Variants in NRXN3 observed in about 807,000 individuals in gnomAD.
The protein encoded by NRXN3 is neurexin 3.
NRXN3 carries 32 observed loss-of-function variants against 137.6 expected under a neutral mutation model. The ratio of observed to expected loss-of-function variants is 0.23; its 90% CI spans 0.18 to 0.31. NRXN3 has a LOEUF of 0.31. Ranked by LOEUF, NRXN3 falls within the 10% of genes least tolerant of loss-of-function variation. The pLI, the probability that NRXN3 is intolerant of heterozygous loss-of-function variation, is 1.00. For synonymous variants in NRXN3, 798 were observed against 784.5 expected (o/e 1.02, Z -0.29); for missense variants, 1,574 against 2,062.5 (o/e 0.76, Z 4.59).
At chr14:79,214,918 C>T (rs567630167) in intron 15 of NRXN3, among the ~76,000 whole-genome samples, 43 of 152,290 alleles carry the variant, frequency 2.8e-4, no homozygotes, top group Non-Finnish European at 4.9e-4. Flanking sequence ...CCTTCCTCCT[C>T]TTTTTCCTCT....
intron 4 of NRXN3, among the ~76,000 whole-genome samples, chr14:78,522,373 A>G (rs982632826): frequency 1.1e-4 from 17 of 152,166 alleles, no homozygotes; most frequent in African/African-American, 4.1e-4. Flanking sequence ...TCTTTATATT[A>G]CACTATGATG....
At chr14:78,931,497 G>C (rs2099321833) in intron 10 of NRXN3, among the ~76,000 whole-genome samples, 2 of 152,146 alleles carry the variant, frequency 1.3e-5, no homozygotes, top group Non-Finnish European at 2.9e-5. Flanking sequence ...GAGAGAGGAA[G>C]TGAGGAAAAG....
intron 19 of NRXN3, among the ~76,000 whole-genome samples, chr14:79,766,010 A>G (rs994677073): frequency 3.3e-5 from 5 of 152,254 alleles, no homozygotes; most frequent in African/African-American, 1.2e-4. Flanking sequence ...AACATCATAT[A>G]TAAAATTAAT....
intron 15 of NRXN3, among the ~76,000 whole-genome samples, chr14:79,121,876 C>A (rs1017149216): frequency 6.6e-6 from 1 of 152,172 alleles, no homozygotes; most frequent in Non-Finnish European, 1.5e-5. Flanking sequence ...AACTAAAATT[C>A]ATGCATATTA....
intron 15 of NRXN3, among the ~76,000 whole-genome samples, chr14:79,078,577 G>C (rs2046365201): frequency 1.3e-5 from 2 of 152,146 alleles, no homozygotes; most frequent in Non-Finnish European, 2.9e-5. Flanking sequence ...AAAGGTAGAA[G>C]AATAAGAGGT....
At chr14:79,406,545 C>T (rs1024185981) in intron 15 of NRXN3, among the ~76,000 whole-genome samples, 3 of 152,022 alleles carry the variant, frequency 2.0e-5, no homozygotes, top group African/African-American at 7.2e-5. Context: ...TCAAGCAATT[C>T]ACCCTCCTCG....
chr14:78,554,658 C>G (rs1325848111), intron 4 of NRXN3, among the ~76,000 whole-genome samples: 3 of 152,182 alleles, frequency 2.0e-5, no homozygotes, highest in Non-Finnish European at 4.4e-5. Flanking sequence ...GTCTGTGATT[C>G]CAAATCTCAA....
chr14:79,461,840 TAAAGAA>T (rs995106793), intron 15 of NRXN3, among the ~76,000 whole-genome samples: 7 of 151,874 alleles, frequency 4.6e-5, no homozygotes, highest in African/African-American at 1.7e-4. Context: ...AAAAAAGAAA[TAAAGAA>T]TAAGAAACCT....
At chr14:79,240,970 A>T (rs1199398796) in intron 15 of NRXN3, among the ~76,000 whole-genome samples, 1 of 152,098 alleles carries the variant, frequency 6.6e-6, no homozygotes, top group Admixed American at 6.6e-5. Flanking sequence ...TTGGGTGTGT[A>T]TGTGTGTGTG....
At chr14:78,389,798 T>G (rs771413637) in intron 4 of NRXN3, among the ~76,000 whole-genome samples, 12 of 152,206 alleles carry the variant, frequency 7.9e-5, no homozygotes, top group Non-Finnish European at 1.5e-4. Context: ...CTTCAGTTGC[T>G]TTTTTAATAT....
intron 14 of NRXN3, among the ~76,000 whole-genome samples, chr14:78,973,763 G>A (rs550361216): frequency 1.1e-4 from 17 of 152,230 alleles, no homozygotes; most frequent in African/African-American, 4.1e-4. Context: ...AAGCATTTTA[G>A]GTGTCTTTTG....
At chr14:78,757,227 G>C (rs1259998156) in intron 8 of NRXN3, among the ~76,000 whole-genome samples, 1 of 152,068 alleles carries the variant, frequency 6.6e-6, no homozygotes, top group Non-Finnish European at 1.5e-5. Context: ...AGGTAACATG[G>C]TTAAACCCCA....
chr14:79,363,503 C>T lies in NRXN3; in HGVS notation c.3263-103718C>T, dbSNP rs535628512. Among the ~76,000 whole-genome samples, 77 of 151,788 alleles carry T rather than the reference C, an allele frequency of 5.1e-4. No individual in the cohort carries two copies. In the Middle Eastern group the frequency reaches 0.014, roughly 27 times the overall value. On this transcript the variant is annotated intron_variant, in intron 15 of 20. Transcript: ENST00000335750. ...GACCAGCTGAACAAACAGCCATGTA[C>T]GTAGGAACAGTTCCAGGCAGCTAAA... is the stretch of plus-strand genomic sequence containing the variant.
intron 10 of NRXN3, among the ~76,000 whole-genome samples, chr14:78,916,665 T>C (rs2152806808): frequency 6.6e-6 from 1 of 152,266 alleles, no homozygotes; most frequent in African/African-American, 2.4e-5. Context: ...GGAATTTGAG[T>C]TTTATTCTAA....
chr14:78,903,097 C>A (rs150787), intron 10 of NRXN3, among the ~76,000 whole-genome samples: 2,175 of 150,992 alleles, frequency 0.014, 50 homozygotes, highest in African/African-American at 0.051. Context: ...CATTCCCTTT[C>A]TCTTCTCCCT....
intron 20 of NRXN3, among the ~76,000 whole-genome samples, chr14:79,823,719 C>G (rs962690140): frequency 6.6e-6 from 1 of 152,248 alleles, no homozygotes; most frequent in South Asian, 2.1e-4. Flanking sequence ...TATTTAGATA[C>G]GGAAGCTTCG....
rs147367838 is a variant in NRXN3, at chr14:78,886,689, C to T, written c.2276-70553C>T. Among the ~76,000 whole-genome samples, 11 of 152,206 alleles carry T rather than the reference C, an allele frequency of 7.2e-5. No individual in the cohort carries two copies. The East Asian group carries it at 2.1e-3, about 29-fold the overall frequency. Reference sequence around the variant, plus strand: ...TGATTTCATTAAAATATTTAACAGTCTTATGAAAGACTAAAGAATCATTTT... The same window carrying T: ...TGATTTCATTAAAATATTTAACAGTTTTATGAAAGACTAAAGAATCATTTT... On this transcript the variant is annotated intron_variant, in intron 10 of 20. Coordinates refer to ENST00000335750, the MANE Select transcript of NRXN3 (RefSeq NM_001330195.2).
At position 79,576,611 on chromosome 14, in the gene NRXN3, T is replaced by G. The variant is rs530050732; in HGVS notation, c.3445-87167T>G. On this transcript the variant is annotated intron_variant, in intron 16 of 20. Transcript: ENST00000335750. Reference sequence around the variant, plus strand: ...TTTGGCATTGGACAGAAGGCAGCCTTCTGGCCTGCTGTCACTTCCTATCTG... The same window carrying G: ...TTTGGCATTGGACAGAAGGCAGCCTGCTGGCCTGCTGTCACTTCCTATCTG... Among the ~76,000 whole-genome samples, 144 of 152,266 alleles carry G rather than the reference T, an allele frequency of 9.5e-4. 1 individual carries two copies. The highest frequency in any genetic ancestry group is 1.5e-3 in the Non-Finnish European group (104 of 67,998).
At chr14:79,692,041 T>G in intron 17 of NRXN3, 132 bp from the exon 18 acceptor site, 1 of 633,390 alleles carries the variant, frequency 1.6e-6, no homozygotes. Flanking sequence ...TGACTTCAAC[T>G]CCACCTCTAC....
Sources: gnomAD v4.1 joint callset for allele counts (sites outside exome capture counted in the v4.1 genomes callset) on GRCh38, gnomAD v4.1.1 for gene constraint, MANE v1.5 for transcripts, NCBI Gene and HGNC (gene_info 2026-07-23, HGNC 2026-07-21) for gene names.